The following CCDC69 variants were observed in gnomAD, a reference collection of about 807,000 sequenced individuals.
CCDC69 encodes coiled-coil domain containing 69.
A neutral mutation model predicts 40.3 loss-of-function variants in CCDC69; 38 were observed. The ratio of observed to expected loss-of-function variants is 0.94; its 90% CI spans 0.73 to 1.24. CCDC69 has a LOEUF of 1.24. Ranked by LOEUF, CCDC69 falls within the 50% of genes most tolerant of loss-of-function variation. The pLI is 0.00. For synonymous variants in CCDC69, 141 were observed against 138.9 expected (o/e 1.02, Z -0.11); for missense variants, 389 against 357.9 (o/e 1.09, Z -0.70).
intron 4 of CCDC69, among the ~76,000 whole-genome samples, chr5:151,190,520 G>T (rs1229234162): frequency 6.6e-6 from 1 of 151,968 alleles, no homozygotes; most frequent in East Asian, 1.9e-4. Flanking sequence ...ACAAAAATTG[G>T]CTGGGCCTGG....
chr5:151,209,268 G>A (rs1185043489), intron 1 of CCDC69, among the ~76,000 whole-genome samples: 1 of 152,240 alleles, frequency 6.6e-6, no homozygotes, highest in Non-Finnish European at 1.5e-5. Flanking sequence ...CGATTGCCAT[G>A]TTTCACAAAC....
intron 1 of CCDC69, among the ~76,000 whole-genome samples, chr5:151,219,225 C>T (rs774048050): frequency 6.6e-6 from 1 of 152,114 alleles, no homozygotes; most frequent in Non-Finnish European, 1.5e-5. Context: ...TCAGATTTGC[C>T]CACTCCTCCT....
intron 4 of CCDC69, among the ~76,000 whole-genome samples, chr5:151,198,332 A>G (rs1428884696): frequency 2.7e-5 from 4 of 149,428 alleles, no homozygotes; most frequent in Non-Finnish European, 3.0e-5. Context: ...CTATCTATCT[A>G]TCTATCTATC....
chr5:151,222,299 C>G (rs1040703265), intron 1 of CCDC69, among the ~76,000 whole-genome samples: 3 of 152,242 alleles, frequency 2.0e-5, no homozygotes, highest in Admixed American at 2.0e-4. Context: ...AGAGCTTTGG[C>G]TGTGCCAGGG....
intron 1 of CCDC69, among the ~76,000 whole-genome samples, chr5:151,216,115 T>C (rs111332653): frequency 0.088 from 13,414 of 152,142 alleles, 716 homozygotes; most frequent in Middle Eastern, 0.14. Context: ...TGTGCCACCA[T>C]GCCCAGCTAA....
At position 151,185,451 on chromosome 5, in the gene CCDC69, C is replaced by CCATGAGGAT; in HGVS notation, c.585_586insATCCTCATG (p.Leu195_Asp196insIleLeuMet). 1 of 1,614,080 alleles carries CCATGAGGAT rather than the reference C, an allele frequency of 6.2e-7. No individual in the cohort carries two copies. The highest frequency in any genetic ancestry group is 8.5e-7 in the Non-Finnish European group (1 of 1,179,936). ...GTTTCCATGAGGATCAGCCGCCTGT[C>CCATGAGGAT]CAGCTCATGAATACGCTCATTCTTC... On this transcript the variant is annotated inframe_insertion, in exon 7 of 9. Transcript: ENST00000355417.
chr5:151,218,418 G>A (rs767972581), intron 1 of CCDC69, among the ~76,000 whole-genome samples: 1 of 152,220 alleles, frequency 6.6e-6, no homozygotes, highest in Non-Finnish European at 1.5e-5. Flanking sequence ...CCGTGTGGAC[G>A]GAAGCCCAAG....
intron 1 of CCDC69, among the ~76,000 whole-genome samples, chr5:151,215,358 C>T (rs989633901): frequency 1.3e-5 from 2 of 152,164 alleles, no homozygotes; most frequent in South Asian, 4.1e-4. Context: ...GCTTCTGTAC[C>T]CTCCTCTGCA....
At chr5:151,196,283 C>G (rs1752698537) in intron 4 of CCDC69, among the ~76,000 whole-genome samples, 1 of 152,124 alleles carries the variant, frequency 6.6e-6, no homozygotes, top group African/African-American at 2.4e-5. Context: ...TCCTCAGTAT[C>G]CTGAGTAGCT....
chr5:151,197,124 G>A (rs975509767), intron 4 of CCDC69, among the ~76,000 whole-genome samples: 9 of 152,236 alleles, frequency 5.9e-5, no homozygotes, highest in African/African-American at 2.2e-4. Flanking sequence ...AGTCAGATGT[G>A]GGTGATCATG....
At chr5:151,187,227 T>C (rs577207368) in intron 5 of CCDC69, among the ~76,000 whole-genome samples, 159 bp downstream of exon 5, 3 of 152,330 alleles carry the variant, frequency 2.0e-5, no homozygotes, top group African/African-American at 7.2e-5. Context: ...AATAGCCTGG[T>C]TACTACATCA....
intron 4 of CCDC69, among the ~76,000 whole-genome samples, chr5:151,188,506 G>A (rs1752559147): frequency 1.3e-5 from 2 of 151,954 alleles, no homozygotes; most frequent in African/African-American, 2.4e-5. Context: ...TCAGGATGCT[G>A]AGGCAGGAGA....
At chr5:151,213,143 G>A (rs1316788923) in intron 1 of CCDC69, among the ~76,000 whole-genome samples, 1 of 152,196 alleles carries the variant, frequency 6.6e-6, no homozygotes, top group Non-Finnish European at 1.5e-5. Context: ...GGAACCTCAG[G>A]GAGCTCTGTT....
Position 151,224,042 on chromosome 5 carries a change from G to T in CCDC69, c.-72C>A, listed in dbSNP as rs761765780. On this transcript the variant is annotated 5_prime_UTR_variant, in exon 1 of 9. Transcript: ENST00000355417. ...CAGAGGAGCCTGCGATCCGGGCCCC[G>T]CTGCCCGCTCCGCGCCCGCCGGCTG... 2.7e-5 allele frequency: 37 copies of T among 1,358,494 alleles called. No homozygotes were observed. The highest frequency in any genetic ancestry group is 2.0e-4 in the Admixed American group (7 of 34,594). 84.2% of individuals were successfully genotyped at this position (1,358,494 alleles called of 1,614,324 possible).
In CCDC69 at chr5:151,183,354, T is replaced by C. The variant is rs1005079819; in HGVS notation, c.*83A>G. 2 of 1,453,612 alleles carry C rather than the reference T, an allele frequency of 1.4e-6. No homozygotes were observed. Among genetic ancestry groups the C allele is most frequent in the African/African-American group, 2.8e-5 (2 of 71,616 alleles). 90.0% of individuals were successfully genotyped at this position (1,453,612 alleles called of 1,614,324 possible). A position where few individuals can be genotyped will look rare whatever the true frequency, so the allele number is the denominator to read the frequency against. On this transcript the variant is annotated 3_prime_UTR_variant, in exon 9 of 9. Transcript: ENST00000355417. ...CCCTCGTTCCTTCCTGGAAAAGAACTGAGAGGCTCCTGCTGTCTTCTCCAG... is the reference window on the plus strand; with the variant it reads ...CCCTCGTTCCTTCCTGGAAAAGAACCGAGAGGCTCCTGCTGTCTTCTCCAG...
At chr5:151,196,206 C>T (rs1348320751) in intron 4 of CCDC69, among the ~76,000 whole-genome samples, 1 of 152,154 alleles carries the variant, frequency 6.6e-6, no homozygotes, top group Non-Finnish European at 1.5e-5. Flanking sequence ...GGCTGGAGTA[C>T]AGTGGTGAGA....
At chr5:151,194,390 T>C (rs938271699) in intron 4 of CCDC69, among the ~76,000 whole-genome samples, 1 of 152,228 alleles carries the variant, frequency 6.6e-6, no homozygotes, top group South Asian at 2.1e-4. Flanking sequence ...AAAGGCATCG[T>C]GATGCATGAA....
chr5:151,223,817 A>C, intron 1 of CCDC69, 106 bp downstream of exon 1: 1 of 1,136,168 alleles, frequency 8.8e-7, no homozygotes, highest in Non-Finnish European at 1.3e-6. Context: ...TCCGTCCGGT[A>C]TCCCGGGCCG....
rs751194713 is a variant in CCDC69, at chr5:151,185,537, T to C, written c.500A>G (p.Tyr167Cys). 5.6e-6 allele frequency: 9 copies of C among 1,613,930 alleles called. No homozygotes were observed. The highest frequency in any genetic ancestry group is 3.3e-5 in the Admixed American group (2 of 60,010). ...CTCCCAGAACTGGCTGGGGCTCCCA[T>C]AATCCTAGACAGGGACAGAGTGACC... ...SRNYKKHIQDYGSPSQFWEQE... is the reference protein window; with the variant it reads ...SRNYKKHIQDCGSPSQFWEQE... The change falls in exon 7 of 9, where the codon TAT becomes TGT. Residue 167 changes from tyrosine to cysteine, a missense_variant. Physicochemically the swap from Tyr to Cys is radical, Grantham distance 194 (BLOSUM62 -2). Transcript: ENST00000355417.
Sources: allele counts gnomAD v4.1 joint callset (sites outside exome capture counted in the v4.1 genomes callset), GRCh38; gene constraint gnomAD v4.1.1; transcripts MANE v1.5; gene names NCBI Gene and HGNC (gene_info 2026-07-23, HGNC 2026-07-21).